The following PKD1 variants were observed in gnomAD, a reference collection of about 807,000 sequenced individuals.
The protein encoded by PKD1 is polycystin 1, transient receptor potential channel interacting.
In PKD1, 81 loss-of-function variants were observed where a neutral mutation model predicts 361.7. The ratio of observed to expected loss-of-function variants is 0.22; its 90% CI spans 0.19 to 0.27. PKD1 has a LOEUF of 0.27. Ranked by LOEUF, PKD1 falls within the 10% of genes least tolerant of loss-of-function variation. PKD1 has a pLI of 1.00. For synonymous variants in PKD1, 3,615 were observed against 2,818.3 expected (o/e 1.28, Z -8.95); for missense variants, 6,399 against 6,118.3 (o/e 1.05, Z -1.53).
rs1241781161 is a variant in PKD1 at position 2,114,655 on chromosome 16, G to A, written c.2368C>T (p.Leu790=). The part of the protein sequence containing the change: ...VLLGLRPNPG[L]RLPGRYEVRA... ...ACCTCATAGCGCCCAGGCAGCCGCA[G>A]TCCAGGGTTGGGCCTCAAGCCCAGC... Residue 790 remains leucine, a synonymous_variant, in exon 11 of 46, where the codon CTG becomes TTG. Transcript: ENST00000262304. The A allele has an allele frequency of 4.5e-6, 7 of 1,553,782 alleles. No individual in the cohort carries two copies. The Admixed American group carries it at 9.4e-5, about 21-fold the overall frequency.
At chr16:2,122,653 G>T (rs540895997) in intron 1 of PKD1, among the ~76,000 whole-genome samples, 2 of 152,250 alleles carry the variant, frequency 1.3e-5, no homozygotes, top group African/African-American at 4.8e-5. Flanking sequence ...CACCATGCCC[G>T]AGGGGGAACA....
intron 1 of PKD1, among the ~76,000 whole-genome samples, chr16:2,129,226 C>G (rs187141014): frequency 6.7e-6 from 1 of 148,222 alleles, no homozygotes; most frequent in Non-Finnish European, 1.5e-5. Context: ...GTGGCACCAT[C>G]ACAGCTAACT....
rs773353153 is a variant in PKD1 at position 2,106,353 on chromosome 16, G to C, written c.7489+45C>G. On this transcript the variant is annotated intron_variant, in intron 18 of 45. Coordinates refer to ENST00000262304, the MANE Select transcript of PKD1 (RefSeq NM_001009944.3). The surrounding 1 kb of genome is among the most constrained non-coding windows in gnomAD (Gnocchi z 6.5). ...CACGGGAGGGCTCCGTGACGTCACA[G>C]AGTCGGGGGATCCCGCTGCTCCCCC... 2 of 1,602,264 alleles carry C rather than the reference G, an allele frequency of 1.2e-6. No individual in the cohort carries two copies. Among genetic ancestry groups the C allele is most frequent in the African/African-American group, 1.3e-5 (1 of 74,804 alleles).
At chr16:2,130,870 CGATGTGCCCAGTCCTG>C (rs1567229613) in intron 1 of PKD1, among the ~76,000 whole-genome samples, 2 of 152,216 alleles carry the variant, frequency 1.3e-5, no homozygotes, top group African/African-American at 4.8e-5. Flanking sequence ...CCAAGTCCCT[CGATGTGCCCAGTCCTG>C]GACCCCAGCA....
chr16:2,090,226 G>T, intron 45 of PKD1, 32 bp from the exon 46 acceptor site: 2 of 1,609,012 alleles, frequency 1.2e-6, no homozygotes, highest in Non-Finnish European at 1.7e-6. Context: ...AGTCAGTCCG[G>T]CTGCACCCTG....
At chr16:2,113,794 C>T (rs2092579734) in intron 11 of PKD1, 4 of 399,056 alleles carry the variant, frequency 1.0e-5, no homozygotes, top group South Asian at 2.4e-5. Flanking sequence ...GGTGGCACCG[C>T]GGGCAGCCCG....
In PKD1 at chr16:2,110,661, C is replaced by T. The variant is rs575525426; in HGVS notation, c.4506G>A (p.Leu1502=). 3.7e-6 allele frequency: 6 copies of T among 1,610,216 alleles called. No individual in the cohort carries two copies. In the East Asian group the frequency reaches 1.3e-4, roughly 36 times the overall value. ...RGRPASYLWD[L]GDGGWLEGPE... ...GACCCTCGAGCCACCCACCGTCCCC[C>T]AGATCCCACAGGTAGCTGGCGGGGC... Residue 1502 remains leucine (L), a synonymous_variant, in exon 15 of 46, where the codon CTG becomes CTA. Transcript: ENST00000262304.
Position 2,109,502 on chromosome 16 carries a change from C to T in PKD1, c.5665G>A (p.Gly1889Ser), listed in dbSNP as rs138471993. The T allele has an allele frequency of 3.0e-5, 48 of 1,609,944 alleles. No individual in the cohort carries two copies. The African/African-American group carries it at 5.9e-4, about 20-fold the overall frequency. The change falls in exon 15 of 46, where the codon GGC becomes AGC. Residue 1889 changes from glycine (G) to serine (S), a missense_variant. By Grantham distance (56) the Gly-to-Ser change is moderately conservative. Transcript: ENST00000262304. ...YNLTAEEPIVGLVLWASSKVV... is the reference protein window; with the variant it reads ...YNLTAEEPIVSLVLWASSKVV... ...TTGCTGCTGGCCCACAGCACCAGGC[C>T]CACGATGGGCTCCTCCGCCGTGAGG...
intron 1 of PKD1, chr16:2,133,130 T>G (rs1240908538): frequency 3.2e-4 from 33 of 101,906 alleles, no homozygotes; most frequent in African/African-American, 6.3e-4. Flanking sequence ...GGGAGAAGGG[T>G]CGGGGCAGGG....
rs1307262182 is a variant in PKD1 at position 2,092,987 on chromosome 16, T to C, written c.11123A>G (p.Glu3708Gly). ...GGCCAGGAAGGCCCGGCTGTGCAGC[T>C]CCTGCTTGATGGCGCTTTGCAGACG... The part of the protein sequence containing the change: ...AYRLQSAIKQ[E>G]LHSRAFLAIT... The change falls in exon 38 of 46, where the codon GAG becomes GGG. Residue 3708 changes from glutamate (E) to glycine (G), a missense_variant. Coordinates refer to ENST00000262304, the MANE Select transcript of PKD1 (RefSeq NM_001009944.3). 6.2e-7 allele frequency: 1 copy of C among 1,612,974 alleles called. No individual in the cohort carries two copies. Among genetic ancestry groups the C allele is most frequent in the Non-Finnish European group, 8.5e-7 (1 of 1,180,014 alleles).
Position 2,118,292 on chromosome 16 carries a change from C to A in PKD1, c.700G>T (p.Ala234Ser). ...AAGGAGGCACTGGAGGGCTGGGCCGCCCCACACAGGCACCAGCCCTGCTCC... is the reference window on the plus strand; with the variant it reads ...AAGGAGGCACTGGAGGGCTGGGCCGACCCACACAGGCACCAGCCCTGCTCC... ...LSEQGWCLCG[A>S]AQPSSASFAC... is the part of the protein sequence containing the mutation. Residue 234 changes from alanine to serine, a missense_variant, in exon 5 of 46, where the codon GCG becomes TCG. Transcript: ENST00000262304. The surrounding 1 kb of genome is among the most constrained non-coding windows in gnomAD (Gnocchi z 6.0). 5 of 1,526,316 alleles carry A rather than the reference C, an allele frequency of 3.3e-6. No individual in the cohort carries two copies. Among genetic ancestry groups the A allele is most frequent in the South Asian group, 2.4e-5 (2 of 84,038 alleles). 94.5% of individuals were successfully genotyped at this position (1,526,316 alleles called of 1,614,324 possible).
rs780322906 is a variant in PKD1 at position 2,102,939 on chromosome 16, G to C, written c.8823C>G (p.Tyr2941Ter). 6.2e-7 allele frequency: 1 copy of C among 1,607,878 alleles called. No homozygotes were observed. Among genetic ancestry groups the C allele is most frequent in the Non-Finnish European group, 8.5e-7 (1 of 1,179,752 alleles). The change falls in exon 24 of 46, where the codon TAC becomes TAG. Residue 2941 changes from tyrosine to a stop codon, truncating the protein, a stop_gained. Transcript: ENST00000262304. LOFTEE classifies it high-confidence loss of function. ...GCTCCGAGTGTAGGTAGACTGCCAG[G>C]TAGGGCTCAGGTTCCTCAGACAGGT... The part of the protein sequence containing the change: ...GHYLSEEPEP[Y>*]LAVYLHSEPR...
chr16:2,121,379 A>G (rs1179272413), intron 1 of PKD1, among the ~76,000 whole-genome samples: 2 of 152,068 alleles, frequency 1.3e-5, no homozygotes, highest in African/African-American at 4.8e-5. Context: ...AAAAAATAAA[A>G]ATAAAAAAAA....
At chr16:2,108,180 A>C in intron 15 of PKD1, 72 bp downstream of exon 15, 1 of 1,499,394 alleles carries the variant, frequency 6.7e-7, no homozygotes, top group African/African-American at 1.4e-5. Flanking sequence ...CCTGGTGGCA[A>C]GCTGGGTGTT....
Position 2,099,742 on chromosome 16 carries a change from G to T in PKD1, c.9952C>A (p.Leu3318Met), listed in dbSNP as rs2092010863. Residue 3318 changes from leucine to methionine, a missense_variant, in exon 30 of 46, where the codon CTG (leucine) becomes ATG (methionine). Coordinates refer to ENST00000262304, the MANE Select transcript of PKD1 (RefSeq NM_001009944.3). ...STGHVSRLSP[L>M]SVDTVAVGLV... ...CCAACAGCGACTGTGTCGACGCTCAGCGGGCTCAGCCTGGACACATGCCCC... is the reference window on the plus strand; with the variant it reads ...CCAACAGCGACTGTGTCGACGCTCATCGGGCTCAGCCTGGACACATGCCCC... 1 of 1,560,878 alleles carries T rather than the reference G, an allele frequency of 6.4e-7. No homozygotes were observed. The highest frequency in any genetic ancestry group is 1.4e-5 in the African/African-American group (1 of 73,596).
chr16:2,111,169 C>A lies in PKD1; in HGVS notation c.3998G>T (p.Gly1333Val). 6 of 1,611,318 alleles carry A rather than the reference C, an allele frequency of 3.7e-6. No individual in the cohort carries two copies. Among genetic ancestry groups the A allele is most frequent in the Non-Finnish European group, 5.1e-6 (6 of 1,179,758 alleles). The change falls in exon 15 of 46, where the codon GGC becomes GTC. Residue 1333 changes from glycine to valine, a missense_variant. Physicochemically the swap from Gly to Val is moderately radical, Grantham distance 109. Coordinates refer to ENST00000262304, the MANE Select transcript of PKD1 (RefSeq NM_001009944.3). ...HYLFDWTFGDGSSNTTVRGCP... is the reference protein window; with the variant it reads ...HYLFDWTFGDVSSNTTVRGCP... ...CCCCCGCACGGTCGTGTTGGAGGAG[C>A]CATCCCCGAAGGTCCAGTCGAAGAG...
Position 2,090,953 on chromosome 16 carries a change from G to C in PKD1, c.11934C>G (p.Asp3978Glu), listed in dbSNP as rs202207855. The change falls in exon 43 of 46, where the codon GAC becomes GAG. Residue 3978 changes from aspartate (D) to glutamate (E), a missense_variant. Coordinates refer to ENST00000262304, the MANE Select transcript of PKD1 (RefSeq NM_001009944.3). ...RGRPRRFTSFDQVAQLSSAAR... is the reference protein window; with the variant it reads ...RGRPRRFTSFEQVAQLSSAAR... ...CTGCGGAGCTCAGCTGCGCCACCTG[G>C]TCGAAGCTAGTGAAGCGGCGCGGGC... 3 of 1,561,070 alleles carry C rather than the reference G, an allele frequency of 1.9e-6. No homozygotes were observed. The highest frequency in any genetic ancestry group is 2.6e-6 in the Non-Finnish European group (3 of 1,160,036).
intron 34 of PKD1, 115 bp from the exon 35 acceptor site, chr16:2,094,325 C>G (rs557649942): frequency 2.7e-6 from 2 of 728,444 alleles, no homozygotes; most frequent in East Asian, 2.7e-5. Flanking sequence ...AGGGTCCCCC[C>G]GACAAAAAGC....
In PKD1 at chr16:2,110,060, G is replaced by C. The variant is rs749260272; in HGVS notation, c.5107C>G (p.Leu1703Val). 2.5e-6 allele frequency: 4 copies of C among 1,610,008 alleles called. No homozygotes were observed. Among genetic ancestry groups the C allele is most frequent in the Non-Finnish European group, 3.4e-6 (4 of 1,179,538 alleles). The change falls in exon 15 of 46, where the codon CTG becomes GTG. Residue 1703 changes from leucine to valine, a missense_variant. By Grantham distance (32) the Leu-to-Val change is conservative. Transcript: ENST00000262304. ...YHVQLRATNM[L>V]GSAWADCTMD... The stretch of plus-strand genomic sequence containing the variant: ...GTGCAGTCGGCCCAGGCGCTGCCCA[G>C]CATGTTGGTGGCCCGCAGCTGCACA...
Sources: gnomAD v4.1 joint callset for allele counts (sites outside exome capture counted in the v4.1 genomes callset) on GRCh38, gnomAD v4.1.1 for gene constraint, Gnocchi (gnomAD v3.1) non-coding constraint, MANE v1.5 for transcripts, NCBI Gene and HGNC (gene_info 2026-07-23, HGNC 2026-07-21) for gene names.